Variants in MORC3 observed in about 807,000 individuals in gnomAD.
MORC3 encodes the protein MORC family CW-type zinc finger protein 3.
In MORC3, 31 loss-of-function variants were observed where a neutral mutation model predicts 109.1. The observed-to-expected ratio is 0.28, with a 90% CI of 0.21 to 0.38. MORC3 has a LOEUF of 0.38. MORC3 is among the 10% of genes least tolerant of loss of function. The pLI is 1.00. For missense variants in MORC3, 867 were observed against 1,135.8 expected, an observed-to-expected ratio of 0.76 and a Z score of 3.40; for synonymous variants, 395 against 380.7, an observed-to-expected ratio of 1.04 and a Z score of -0.44.
intron 14 of MORC3, 82 bp downstream of exon 14, chr21:36,364,341 C>T (rs1177992296): frequency 7.8e-6 from 11 of 1,405,534 alleles, no homozygotes; most frequent in Middle Eastern, 1.8e-4. Context: ...TGATGCAATT[C>T]GGGATCATTG....
intron 2 of MORC3, among the ~76,000 whole-genome samples, chr21:36,334,125 C>T (rs1601514106): frequency 6.6e-6 from 1 of 152,016 alleles, no homozygotes; most frequent in Non-Finnish European, 1.5e-5. Context: ...TATGGTGGTG[C>T]AGGCCTGTGG....
intron 9 of MORC3, among the ~76,000 whole-genome samples, chr21:36,353,554 A>G (rs1257703059): frequency 6.6e-6 from 1 of 151,378 alleles, no homozygotes; most frequent in Non-Finnish European, 1.5e-5. Context: ...CAGCCTGGCT[A>G]ACATGGTGAA....
rs1325008920 is a variant in MORC3, at chr21:36,369,044, T to G, written c.1676T>G (p.Leu559Trp). The stretch of plus-strand genomic sequence containing the variant: ...ATTTTGAATGCAAAGAATCGGAGAT[T>G]GAGTAGTCAGTTTGAAAATTCAGTT... ...SSILNAKNRR[L>W]SSQFENSVYK... The change falls in exon 15 of 17, where the codon TTG becomes TGG. Residue 559 changes from leucine (L) to tryptophan (W), a missense_variant. Transcript: ENST00000400485. 6 of 1,613,838 alleles carry G rather than the reference T, an allele frequency of 3.7e-6. No individual in the cohort carries two copies. Among genetic ancestry groups the G allele is most frequent in the Middle Eastern group, 1.6e-4 (1 of 6,084 alleles).
At chr21:36,364,317 C>T (rs530160131) in intron 14 of MORC3, 58 bp downstream of exon 14, 27 of 1,535,878 alleles carry the variant, frequency 1.8e-5, no homozygotes, top group Non-Finnish European at 2.3e-5. Flanking sequence ...TTTTACTTGA[C>T]ACTTCTGTGA....
rs558233210 is a variant in MORC3, at chr21:36,362,374, C to T, written c.1452+146C>T. ...CCTGGCCAACATGGTGAAACCCTGT[C>T]TCTACTAAAAACACAAAAATTAGCT... On this transcript the variant is annotated intron_variant, in intron 13 of 16. Coordinates refer to ENST00000400485, the MANE Select transcript of MORC3 (RefSeq NM_015358.3). 1.8e-4 allele frequency: 161 copies of T among 880,510 alleles called. No homozygotes were observed. In the African/African-American group the frequency reaches 2.5e-3, roughly 14 times the overall value. 54.5% of individuals were successfully genotyped at this position (880,510 alleles called of 1,614,324 possible). A position where few individuals can be genotyped will look rare whatever the true frequency, so the allele number is the denominator to read the frequency against.
intron 1 of MORC3, among the ~76,000 whole-genome samples, chr21:36,331,242 A>C (rs2085311774): frequency 6.6e-6 from 1 of 152,210 alleles, no homozygotes; most frequent in Non-Finnish European, 1.5e-5. Flanking sequence ...CAGAATGAAC[A>C]AAAAAATTGC....
rs775130963 is a variant in MORC3 at position 36,349,296 on chromosome 21, A to G, written c.1006-15A>G. 1 of 1,583,484 alleles carries G rather than the reference A, an allele frequency of 6.3e-7. No homozygotes were observed. The highest frequency in any genetic ancestry group is 1.1e-5 in the South Asian group (1 of 87,792). On this transcript the variant is annotated splice_polypyrimidine_tract_variant and intron_variant, in intron 8 of 16. Coordinates refer to ENST00000400485, the MANE Select transcript of MORC3 (RefSeq NM_015358.3). ...GTCTTATGCTTAAAATGCTGATTTC[A>G]TTTTATTTTTTCAGGCAAACAACAT...
intron 4 of MORC3, among the ~76,000 whole-genome samples, chr21:36,338,388 G>T (rs528661225): frequency 1.3e-3 from 194 of 152,234 alleles, no homozygotes; most frequent in Non-Finnish European, 2.1e-3. Context: ...AAACTGCCAT[G>T]TTAAAACTTA....
At position 36,348,724 on chromosome 21, in the gene MORC3, C is replaced by A. The variant is rs1031238993; in HGVS notation, c.1006-587C>A. On this transcript the variant is annotated intron_variant, in intron 8 of 16. Transcript: ENST00000400485. The stretch of plus-strand genomic sequence containing the variant: ...GCCCCTGGCAGGTAGTCCTTTTTCT[C>A]TTGTATAACATTGGGGATGTTAATA... Among the ~76,000 whole-genome samples, 6 of 152,106 alleles carry A rather than the reference C, an allele frequency of 3.9e-5. No homozygotes were observed. The East Asian group carries it at 9.6e-4, about 24-fold the overall frequency.
At chr21:36,328,128 C>T (rs112772277) in intron 1 of MORC3, among the ~76,000 whole-genome samples, 8,732 of 152,044 alleles carry the variant, frequency 0.057, 803 homozygotes, top group African/African-American at 0.2. Context: ...CCACCTGCCG[C>T]GGCCTCCCAA....
intron 14 of MORC3, among the ~76,000 whole-genome samples, chr21:36,368,271 C>G (rs1428315790): frequency 6.6e-6 from 1 of 151,438 alleles, no homozygotes; most frequent in South Asian, 2.1e-4. Flanking sequence ...TATGGCTTAT[C>G]TTTGATCACT....
intron 14 of MORC3, among the ~76,000 whole-genome samples, chr21:36,366,748 C>G (rs1195372625): frequency 6.6e-6 from 1 of 152,166 alleles, no homozygotes; most frequent in South Asian, 2.1e-4. Flanking sequence ...AGCCACTTTG[C>G]CCGGCCTATT....
intron 8 of MORC3, among the ~76,000 whole-genome samples, chr21:36,345,757 G>A (rs141793286): frequency 0.025 from 3,765 of 152,100 alleles, 65 homozygotes; most frequent in Admixed American, 0.046. Context: ...AGGTTTCACC[G>A]TGTTGTCCAG....
chr21:36,354,323 C>CTTTTTTTTTTTTTTTTTT (rs144208712), intron 9 of MORC3, among the ~76,000 whole-genome samples: 1 of 113,654 alleles, frequency 8.8e-6, no homozygotes, highest in Non-Finnish European at 1.7e-5. Flanking sequence ...TTCTTTCTTT[C>CTTTTTTTTTTTTTTTTTT]TTTTTTTTTT....
intron 14 of MORC3, among the ~76,000 whole-genome samples, chr21:36,368,658 T>A (rs1320513062): frequency 6.6e-6 from 1 of 152,162 alleles, no homozygotes; most frequent in Non-Finnish European, 1.5e-5. Flanking sequence ...GGCAGATTGC[T>A]TGAGCTCAAG....
At chr21:36,359,863 T>C (rs1304143892) in intron 10 of MORC3, 92 bp from the exon 11 acceptor site, 2 of 1,520,206 alleles carry the variant, frequency 1.3e-6, no homozygotes, top group African/African-American at 1.4e-5. Flanking sequence ...AATTAAATAA[T>C]GGCATCTTGT....
intron 12 of MORC3, 164 bp from the exon 13 acceptor site, chr21:36,362,019 G>A (rs2085722675): frequency 1.3e-6 from 1 of 753,212 alleles, no homozygotes; most frequent in Non-Finnish European, 2.2e-6. Context: ...AAATTAGGGT[G>A]CTACTGAGAT....
intron 6 of MORC3, 49 bp from the exon 7 acceptor site, chr21:36,344,530 A>G: frequency 1.3e-6 from 2 of 1,583,390 alleles, no homozygotes; most frequent in Non-Finnish European, 1.7e-6. Flanking sequence ...TGTCTAAGTA[A>G]TGGTGAGCAA....
At chr21:36,352,398 TG>T (rs33993234) in intron 9 of MORC3, among the ~76,000 whole-genome samples, 72,609 of 140,188 alleles carry the variant, frequency 0.52, 18,911 homozygotes, top group East Asian at 0.98. Context: ...AAAAAAGGGG[TG>T]GGGGGGGGCA....
Sources: allele counts gnomAD v4.1 joint callset (sites outside exome capture counted in the v4.1 genomes callset), GRCh38; gene constraint gnomAD v4.1.1; transcripts MANE v1.5; gene names NCBI Gene and HGNC (gene_info 2026-07-23, HGNC 2026-07-21).